PARP11: variants seen among roughly 807,000 people sequenced by gnomAD.
PARP11 encodes protein mono-ADP-ribosyltransferase PARP11.
PARP11 carries 31 observed loss-of-function variants against 42.9 expected under a neutral mutation model. That is an observed-to-expected ratio of 0.72 (90% CI 0.54 to 0.98). The LOEUF (loss-of-function observed/expected upper bound fraction) is 0.98. PARP11 is among the 50% of genes least tolerant of loss of function. The probability of loss-of-function intolerance (pLI) is 0.00; values close to 1 mark genes in which losing one functional copy is unlikely to be tolerated. For missense variants in PARP11, 365 were observed against 413.1 expected (o/e 0.88, Z 1.01); for synonymous variants, 137 against 127.3 (o/e 1.08, Z -0.51).
chr12:3,853,138 T>A (rs1293533236), intron 1 of PARP11, among the ~76,000 whole-genome samples: 1 of 152,096 alleles, frequency 6.6e-6, no homozygotes, highest in Non-Finnish European at 1.5e-5. Flanking sequence ...AAGGAAGCAC[T>A]AAACATGGAA....
intron 1 of PARP11, 145 bp downstream of exon 1, chr12:3,873,067 G>T (rs1413439485): frequency 2.5e-6 from 2 of 813,368 alleles, no homozygotes; most frequent in Non-Finnish European, 4.2e-6. Flanking sequence ...ACAGACTACA[G>T]AAGCCAAAAG....
chr12:3,844,705 C>A (rs1947963803), intron 1 of PARP11, among the ~76,000 whole-genome samples: 1 of 152,160 alleles, frequency 6.6e-6, no homozygotes, highest in Non-Finnish European at 1.5e-5. Flanking sequence ...CCATATCTCA[C>A]CTCTAGGATA....
chr12:3,818,492 A>G (rs551405913), intron 6 of PARP11, among the ~76,000 whole-genome samples: 12 of 152,318 alleles, frequency 7.9e-5, no homozygotes, highest in Admixed American at 2.0e-4. Flanking sequence ...TAAGTCTTTT[A>G]AATTCTCCTT....
intron 1 of PARP11, among the ~76,000 whole-genome samples, chr12:3,836,336 C>CA (rs77836921): frequency 0.088 from 13,116 of 149,888 alleles, 1,318 homozygotes; most frequent in African/African-American, 0.24. Flanking sequence ...AAAAAACAAA[C>CA]AAAAAAAAAG....
intron 3 of PARP11, 44 bp from the exon 4 acceptor site, chr12:3,826,277 T>C: frequency 2.9e-6 from 4 of 1,386,230 alleles, no homozygotes; most frequent in Non-Finnish European, 4.0e-6. Flanking sequence ...AAAAGTACAC[T>C]GTACTATAAA....
At chr12:3,834,826 G>A (rs1455775735) in intron 1 of PARP11, among the ~76,000 whole-genome samples, 1 of 151,988 alleles carries the variant, frequency 6.6e-6, no homozygotes, top group Non-Finnish European at 1.5e-5. Context: ...ACACTAGGCT[G>A]TGTACACCCA....
chr12:3,851,476 G>A (rs113254654), intron 1 of PARP11, among the ~76,000 whole-genome samples: 1,862 of 152,352 alleles, frequency 0.012, 44 homozygotes, highest in African/African-American at 0.042. Flanking sequence ...CTGGCTCAGC[G>A]GGTCCCATGC....
intron 1 of PARP11, among the ~76,000 whole-genome samples, chr12:3,867,981 T>C (rs928722930): frequency 1.3e-5 from 2 of 152,196 alleles, no homozygotes; most frequent in Non-Finnish European, 2.9e-5. Context: ...AAACACAAGT[T>C]GCAATTCCTG....
intron 1 of PARP11, among the ~76,000 whole-genome samples, chr12:3,859,539 G>A (rs987814950): frequency 3.3e-5 from 5 of 149,292 alleles, no homozygotes; most frequent in Non-Finnish European, 5.9e-5. Context: ...TCCAGCCTGG[G>A]TGACAGAGTG....
In PARP11 at chr12:3,842,300, A is replaced by G. The variant is rs554285522; in HGVS notation, c.19-12282T>C. 38 of 1,602,370 alleles carry G rather than the reference A, an allele frequency of 2.4e-5. No individual in the cohort carries two copies. In the African/African-American group the frequency reaches 4.5e-4, roughly 19 times the overall value. ...AGAAGTGGTAGATCCAAGCAGTTCT[A>G]TAATCAAACTTATGGGAGCAGGAAG... On this transcript the variant is annotated intron_variant, in intron 1 of 7. Coordinates refer to ENST00000228820, the MANE Select transcript of PARP11 (RefSeq NM_020367.6).
intron 3 of PARP11, among the ~76,000 whole-genome samples, chr12:3,827,905 TAC>T (rs1947560072): frequency 6.6e-6 from 1 of 152,200 alleles, no homozygotes; most frequent in Non-Finnish European, 1.5e-5. Flanking sequence ...AAACAAAATG[TAC>T]TTTTATTAAG....
In PARP11 at chr12:3,861,070, G is replaced by A. The variant is rs777106406; in HGVS notation, c.18+12142C>T. Among the ~76,000 whole-genome samples the A allele has an allele frequency of 3.3e-5, 5 of 152,202 alleles. No individual in the cohort carries two copies. The highest frequency in any genetic ancestry group is 5.9e-5 in the Non-Finnish European group (4 of 68,040). ...GATGAATCATACCTTGGGCTCAACT[G>A]CATCTGATTTAGATAATATTTAGAT... On this transcript the variant is annotated intron_variant, in intron 1 of 7. Transcript: ENST00000228820. This position sits in a 1 kb window ranked among gnomAD's most constrained non-coding sequence, Gnocchi z 4.6.
At chr12:3,831,891 A>G (rs1947648988) in intron 1 of PARP11, among the ~76,000 whole-genome samples, 1 of 152,142 alleles carries the variant, frequency 6.6e-6, no homozygotes, top group Non-Finnish European at 1.5e-5. Context: ...TGGGCCATTT[A>G]ACTGTGAGAA....
At position 3,865,083 on chromosome 12, in the gene PARP11, T is replaced by G. The variant is rs1198618407; in HGVS notation, c.18+8129A>C. ...AATTTGATATGTTGTTTTCATACTTTCTATTTTCTCTTTTCATTTCTTTAA... is the reference window on the plus strand; with the variant it reads ...AATTTGATATGTTGTTTTCATACTTGCTATTTTCTCTTTTCATTTCTTTAA... On this transcript the variant is annotated intron_variant, in intron 1 of 7. Transcript: ENST00000228820. Among the ~76,000 whole-genome samples, 5 of 152,296 alleles carry G rather than the reference T, an allele frequency of 3.3e-5. No individual in the cohort carries two copies. The East Asian group carries it at 9.6e-4, about 29-fold the overall frequency.
At position 3,840,114 on chromosome 12, in the gene PARP11, G is replaced by A; in HGVS notation, c.19-10096C>T. 3 of 1,610,544 alleles carry A rather than the reference G, an allele frequency of 1.9e-6. No individual in the cohort carries two copies. Among genetic ancestry groups the A allele is most frequent in the Non-Finnish European group, 2.5e-6 (3 of 1,176,698 alleles). On this transcript the variant is annotated intron_variant, in intron 1 of 7. Transcript: ENST00000228820. The surrounding 1 kb of genome is among the most constrained non-coding windows in gnomAD (Gnocchi z 4.4). Reference sequence around the variant, plus strand: ...TTTGGCTGGAGTCTAAACAAGCTCAGCAAAAACGTGATTATTCCATTGCTG... The same window carrying A: ...TTTGGCTGGAGTCTAAACAAGCTCAACAAAAACGTGATTATTCCATTGCTG...
chr12:3,868,241 A>G (rs1343203203), intron 1 of PARP11, among the ~76,000 whole-genome samples: 4 of 152,198 alleles, frequency 2.6e-5, no homozygotes, highest in Non-Finnish European at 4.4e-5. Context: ...CGGGTGGATC[A>G]CTTGAGTCCA....
rs1565527335 is a variant in PARP11, at chr12:3,810,686, A to AAGGAAGGAAGGAAG, written c.*1436_*1437insCTTCCTTCCTTCCT. On this transcript the variant is annotated 3_prime_UTR_variant, in exon 8 of 8. Transcript: ENST00000228820. ...AGGAAGGAAGGAAGGAAGGAAGGAAAGAAAGAAGGAAGGAAGAGAGAGAGA... is the reference window on the plus strand; with the variant it reads ...AGGAAGGAAGGAAGGAAGGAAGGAAAAGGAAGGAAGGAAGGAAAGAAGGAAGGAAGAGAGAGAGA... 5 of 126,858 alleles carry AAGGAAGGAAGGAAG rather than the reference A, an allele frequency of 3.9e-5. No homozygotes were observed. Among genetic ancestry groups the AAGGAAGGAAGGAAG allele is most frequent in the African/African-American group, 1.3e-4 (4 of 31,124 alleles). 7.9% of individuals were successfully genotyped at this position (126,858 alleles called of 1,614,324 possible). A position where few individuals can be genotyped will look rare whatever the true frequency, so the allele number is the denominator to read the frequency against.
chr12:3,831,320 T>G (rs1947634384), intron 1 of PARP11, among the ~76,000 whole-genome samples: 1 of 152,166 alleles, frequency 6.6e-6, no homozygotes, highest in Non-Finnish European at 1.5e-5. Flanking sequence ...TATTGATGAT[T>G]TGTTAAAAAT....
intron 1 of PARP11, among the ~76,000 whole-genome samples, chr12:3,868,099 T>C (rs557325970): frequency 1.3e-5 from 2 of 152,242 alleles, no homozygotes; most frequent in Admixed American, 6.5e-5. Context: ...ATATAAGTAC[T>C]TTGTAAGAAG....
Sources: gnomAD v4.1 joint callset for allele counts (sites outside exome capture counted in the v4.1 genomes callset) on GRCh38, gnomAD v4.1.1 for gene constraint, Gnocchi (gnomAD v3.1) non-coding constraint, MANE v1.5 for transcripts, NCBI Gene and HGNC (gene_info 2026-07-23, HGNC 2026-07-21) for gene names.